The following PPM1B variants were observed in gnomAD, a reference collection of about 807,000 sequenced individuals.
PPM1B encodes protein phosphatase 1B.
PPM1B carries 22 observed loss-of-function variants against 43.0 expected under a neutral mutation model. The ratio of observed to expected loss-of-function variants is 0.51; its 90% CI spans 0.37 to 0.73. The LOEUF (loss-of-function observed/expected upper bound fraction) is 0.73. Among genes scored for constraint, PPM1B ranks in the 30% least tolerant of loss-of-function variants. PPM1B has a pLI of 0.00. For synonymous variants in PPM1B, 217 were observed against 197.9 expected (o/e 1.10, Z -0.81); for missense variants, 632 against 584.2 (o/e 1.08, Z -0.84).
At chr2:44,239,842 T>C (rs1670706701) in intron 5 of PPM1B, among the ~76,000 whole-genome samples, 2 of 152,082 alleles carry the variant, frequency 1.3e-5, no homozygotes, top group South Asian at 4.1e-4. Context: ...TCCCCAAATA[T>C]GTGTGGTCCA....
chr2:44,222,261 C>G (rs1330129291), intron 5 of PPM1B, among the ~76,000 whole-genome samples: 1 of 151,994 alleles, frequency 6.6e-6, no homozygotes, highest in Non-Finnish European at 1.5e-5. Flanking sequence ...ACGGTGAAAG[C>G]TCAGTAAATA....
intron 2 of PPM1B, among the ~76,000 whole-genome samples, chr2:44,204,616 A>G (rs987806584): frequency 6.6e-6 from 1 of 152,110 alleles, no homozygotes; most frequent in African/African-American, 2.4e-5. Flanking sequence ...TAATTTTCAC[A>G]ACCATATGAG....
intron 1 of PPM1B, among the ~76,000 whole-genome samples, chr2:44,198,167 T>G (rs1250889148): frequency 6.6e-6 from 1 of 152,122 alleles, no homozygotes; most frequent in African/African-American, 2.4e-5. Context: ...GATTTTTTGT[T>G]TGTTTGTTTT....
In PPM1B at chr2:44,241,857, C is replaced by CTTTTTTTTTTTTTTTTT. The variant is rs397984437; in HGVS notation, n.1547-2368_1547-2352dup. ...GTTATAATAAGTATTAGAAAATAAT[C>CTTTTTTTTTTTTTTTTT]TTTTTTTTTTTTTTTTTTTGAGACG... On this transcript the variant is annotated intron_variant and non_coding_transcript_variant, in intron 5 of 5. Coordinates refer to the PPM1B transcript ENST00000378540. Among the ~76,000 whole-genome samples the CTTTTTTTTTTTTTTTTT allele has an allele frequency of 4.4e-5, 4 of 90,950 alleles. 1 individual carries two copies. The highest frequency in any genetic ancestry group is 3.7e-4 in the East Asian group (1 of 2,698). The allele number at this position is 90,950 out of a possible 152,430, so 59.7% of individuals were successfully genotyped here.
chr2:44,192,692 T>C (rs983683611), intron 1 of PPM1B, among the ~76,000 whole-genome samples: 1 of 152,216 alleles, frequency 6.6e-6, no homozygotes, highest in Non-Finnish European at 1.5e-5. Context: ...ACCACAACTT[T>C]CTATCCTTTG....
chr2:44,190,155 ATTTTT>A (rs35252924), intron 1 of PPM1B, among the ~76,000 whole-genome samples: 1 of 112,040 alleles, frequency 8.9e-6, no homozygotes, highest in Admixed American at 9.7e-5. Flanking sequence ...AGTTTATTTG[ATTTTT>A]TTTTTTTTTT....
Position 44,231,460 on chromosome 2 carries a change from G to A in PPM1B, c.*742G>A, listed in dbSNP as rs1005515530. ...TTTAAGTCCAAATAAAGCATGTGAT[G>A]TGGAATAATCTATGCATGTTGTACT... On this transcript the variant is annotated 3_prime_UTR_variant, in exon 6 of 6. Transcript: ENST00000282412. The A allele has an allele frequency of 5.1e-6, 5 of 973,062 alleles. No homozygotes were observed. The highest frequency in any genetic ancestry group is 4.7e-5 in the South Asian group (1 of 21,086). The allele number at this position is 973,062 out of a possible 1,614,324, so 60.3% of individuals were successfully genotyped here. A position where few individuals can be genotyped will look rare whatever the true frequency, so the allele number is the denominator to read the frequency against.
chr2:44,229,180 C>G (rs62137035), intron 5 of PPM1B, among the ~76,000 whole-genome samples: 1 of 148,798 alleles, frequency 6.7e-6, no homozygotes. Context: ...GAAACTCCAT[C>G]CCAAAAAAAA....
At chr2:44,223,252 G>A (rs1490830784) in intron 5 of PPM1B, among the ~76,000 whole-genome samples, 1 of 152,046 alleles carries the variant, frequency 6.6e-6, no homozygotes, top group Admixed American at 6.6e-5. Context: ...ATCCAAAAAC[G>A]GTTTAAGGCA....
rs1271627634 is a variant in PPM1B, at chr2:44,218,552, A to G, written c.1134+15A>G. 3 of 1,534,238 alleles carry G rather than the reference A, an allele frequency of 2.0e-6. No homozygotes were observed. Among genetic ancestry groups the G allele is most frequent in the Non-Finnish European group, 2.7e-6 (3 of 1,127,542 alleles). Reference sequence around the variant, plus strand: ...AAAGTGATGGGGTAAGTTTTATTTTATTTCATAAGCATTTGAAGTAATTTC... The same window carrying G: ...AAAGTGATGGGGTAAGTTTTATTTTGTTTCATAAGCATTTGAAGTAATTTC... On this transcript the variant is annotated intron_variant, in intron 5 of 5. Coordinates refer to ENST00000282412, the MANE Select transcript of PPM1B (RefSeq NM_002706.6).
In PPM1B at chr2:44,218,465, G is replaced by GTTT; in HGVS notation, c.1077-5_1077-3dup. 3.5e-5 allele frequency: 42 copies of GTTT among 1,200,872 alleles called. No individual in the cohort carries two copies. Among genetic ancestry groups the GTTT allele is most frequent in the Middle Eastern group, 2.0e-4 (1 of 4,894 alleles). 74.4% of individuals were successfully genotyped at this position (1,200,872 alleles called of 1,614,324 possible). ...GTGTAATTTAATAAAACTAAAGCAT[G>GTTT]TTTTTTTTTTTTAGGCGTAATGTTA... On this transcript the variant is annotated splice_polypyrimidine_tract_variant and intron_variant, in intron 4 of 5. Coordinates refer to ENST00000282412, the MANE Select transcript of PPM1B (RefSeq NM_002706.6).
intron 1 of PPM1B, among the ~76,000 whole-genome samples, chr2:44,174,815 A>C (rs1285008584): frequency 6.6e-6 from 1 of 152,228 alleles, no homozygotes; most frequent in East Asian, 1.9e-4. Context: ...TGTTCTTATG[A>C]GTAGGAGAAT....
At chr2:44,227,975 G>T (rs1440132067) in intron 5 of PPM1B, among the ~76,000 whole-genome samples, 5 of 134,222 alleles carry the variant, frequency 3.7e-5, no homozygotes, top group Non-Finnish European at 6.2e-5. Context: ...AGGCTGGAGT[G>T]CAGTGGTGCG....
Position 44,230,823 on chromosome 2 carries a change from A to T in PPM1B, c.*105A>T. 1 of 1,473,130 alleles carries T rather than the reference A, an allele frequency of 6.8e-7. No individual in the cohort carries two copies. The highest frequency in any genetic ancestry group is 2.4e-5 in the East Asian group (1 of 41,600). 91.3% of individuals were successfully genotyped at this position (1,473,130 alleles called of 1,614,324 possible). On this transcript the variant is annotated 3_prime_UTR_variant, in exon 6 of 6. Transcript: ENST00000282412. ...TTTGTTATTTGAATCTTGGAAAACTAGTTTTATTATATTCAGATAGCCTTG... is the reference window on the plus strand; with the variant it reads ...TTTGTTATTTGAATCTTGGAAAACTTGTTTTATTATATTCAGATAGCCTTG...
At chr2:44,193,316 T>C (rs1668496190) in intron 1 of PPM1B, among the ~76,000 whole-genome samples, 2 of 152,194 alleles carry the variant, frequency 1.3e-5, no homozygotes, top group Non-Finnish European at 2.9e-5. Context: ...ATTAGTGAGG[T>C]TGAGCATTTT....
At chr2:44,204,207 C>T (rs776405198) in intron 2 of PPM1B, among the ~76,000 whole-genome samples, 4 of 152,126 alleles carry the variant, frequency 2.6e-5, no homozygotes, top group Admixed American at 6.5e-5. Flanking sequence ...TTATGGAAAC[C>T]TTCATTTCTG....
downstream of PPM1B, among the ~76,000 whole-genome samples, chr2:44,234,957 A>T (rs565899569): frequency 6.6e-6 from 1 of 152,306 alleles, no homozygotes; most frequent in African/African-American, 2.4e-5. Flanking sequence ...TTTTGCGTTC[A>T]GTCTGTTGAA....
chr2:44,217,268 A>T (rs1311570987), intron 3 of PPM1B, among the ~76,000 whole-genome samples: 1 of 151,784 alleles, frequency 6.6e-6, no homozygotes, highest in African/African-American at 2.4e-5. Flanking sequence ...GCATGGTAGC[A>T]CATGCCTGTA....
At chr2:44,183,648 A>G (rs915172674) in intron 1 of PPM1B, among the ~76,000 whole-genome samples, 2 of 152,188 alleles carry the variant, frequency 1.3e-5, no homozygotes, top group African/African-American at 4.8e-5. Flanking sequence ...AGGAAGGGAG[A>G]GAATTAGCCA....
Sources: allele counts gnomAD v4.1 joint callset (sites outside exome capture counted in the v4.1 genomes callset), GRCh38; gene constraint gnomAD v4.1.1; transcripts MANE v1.5; gene names NCBI Gene and HGNC (gene_info 2026-07-23, HGNC 2026-07-21).